Variants in ZBTB7C observed in about 807,000 individuals in gnomAD.
The protein encoded by ZBTB7C is zinc finger and BTB domain-containing protein 7C.
Under a neutral mutation model 25.7 loss-of-function variants are expected in ZBTB7C, and 8 were observed. That is an observed-to-expected ratio of 0.31 (90% CI 0.18 to 0.56). The LOEUF (loss-of-function observed/expected upper bound fraction) is 0.56. ZBTB7C is among the 20% of genes least tolerant of loss of function. ZBTB7C has a pLI of 0.91. For synonymous variants in ZBTB7C, 394 were observed against 369.0 expected (o/e 1.07, Z -0.78); for missense variants, 824 against 855.2 (o/e 0.96, Z 0.46).
chr18:48,135,512 G>A (rs751944323), intron 3 of ZBTB7C, among the ~76,000 whole-genome samples: 2 of 152,124 alleles, frequency 1.3e-5, no homozygotes, highest in African/African-American at 2.4e-5. Context: ...TATCTGATGT[G>A]GCCTAATATG....
intron 3 of ZBTB7C, among the ~76,000 whole-genome samples, chr18:48,104,286 T>C (rs183719287): frequency 2.2e-4 from 34 of 152,264 alleles, no homozygotes; most frequent in Admixed American, 5.9e-4. Context: ...AAAAAGAGCC[T>C]GGTACCTTCC....
intron 1 of ZBTB7C, chr18:48,408,288 C>G (rs2048328246): frequency 6.6e-6 from 1 of 152,420 alleles, no homozygotes; most frequent in Non-Finnish European, 1.5e-5. Flanking sequence ...ACCAGACAAG[C>G]AACCGGAAAA....
chr18:48,203,569 G>A (rs958217801), intron 2 of ZBTB7C: 2 of 152,196 alleles, frequency 1.3e-5, no homozygotes, highest in Non-Finnish European at 2.9e-5. Flanking sequence ...GCGGCCCCAT[G>A]GAGCTGCCTT....
intron 1 of ZBTB7C, among the ~76,000 whole-genome samples, chr18:48,373,541 C>T (rs920919795): frequency 1.6e-4 from 25 of 152,146 alleles, no homozygotes; most frequent in African/African-American, 5.8e-4. Context: ...ATTGTAATCC[C>T]CATGCTGGAG....
chr18:48,188,982 T>C (rs912127263), intron 2 of ZBTB7C, among the ~76,000 whole-genome samples: 45 of 152,224 alleles, frequency 3.0e-4, no homozygotes, highest in African/African-American at 1.1e-3. Context: ...CATGTTCTTG[T>C]CTGAAAATCT....
chr18:48,307,326 A>T (rs1046719261), intron 2 of ZBTB7C, among the ~76,000 whole-genome samples: 2 of 152,120 alleles, frequency 1.3e-5, no homozygotes, highest in Admixed American at 6.5e-5. Context: ...TACTTCTCAC[A>T]CTGTCACCAT....
intron 1 of ZBTB7C, among the ~76,000 whole-genome samples, chr18:48,362,851 A>G (rs532853852): frequency 1.3e-5 from 2 of 152,300 alleles, no homozygotes; most frequent in East Asian, 1.9e-4. Context: ...AGGGGCTTCA[A>G]CGACCCACAA....
intron 1 of ZBTB7C, among the ~76,000 whole-genome samples, chr18:48,377,677 A>C (rs1361757247): frequency 6.6e-6 from 1 of 152,222 alleles, no homozygotes; most frequent in Non-Finnish European, 1.5e-5. Context: ...GAGAAGAAAC[A>C]AAGTAATAAC....
intron 2 of ZBTB7C, among the ~76,000 whole-genome samples, chr18:48,221,756 T>C (rs1380102662): frequency 6.6e-6 from 1 of 151,134 alleles, no homozygotes; most frequent in South Asian, 2.1e-4. Context: ...ATACTGTCCT[T>C]GTCTCCTCTA....
intron 2 of ZBTB7C, among the ~76,000 whole-genome samples, chr18:48,288,613 A>T (rs2144674373): frequency 6.6e-6 from 1 of 152,284 alleles, no homozygotes; most frequent in Non-Finnish European, 1.5e-5. Context: ...CCGAGATCAC[A>T]CCATTACACT....
intron 3 of ZBTB7C, among the ~76,000 whole-genome samples, chr18:48,050,134 G>A (rs2036625342): frequency 2.0e-5 from 3 of 152,182 alleles, no homozygotes; most frequent in Admixed American, 2.0e-4. Context: ...GTCTTTACTC[G>A]TGGTCTGTAG....
intron 1 of ZBTB7C, among the ~76,000 whole-genome samples, chr18:48,351,932 G>C (rs1021003990): frequency 6.6e-6 from 1 of 152,228 alleles, no homozygotes; most frequent in South Asian, 2.1e-4. Flanking sequence ...GTCCCAGCAG[G>C]TGAACCTGAG....
chr18:48,329,190 T>C (rs572600467), intron 2 of ZBTB7C, among the ~76,000 whole-genome samples: 16 of 152,212 alleles, frequency 1.1e-4, no homozygotes, highest in Non-Finnish European at 2.2e-4. Flanking sequence ...AGGGCACACA[T>C]TGATCAATTA....
chr18:48,411,844 A>G (rs899374390), upstream of ZBTB7C, among the ~76,000 whole-genome samples: 1 of 152,246 alleles, frequency 6.6e-6, no homozygotes, highest in Non-Finnish European at 1.5e-5. Context: ...GGCTCAAAGT[A>G]GATGTTCTAT....
Position 48,040,182 on chromosome 18 carries a change from A to C in ZBTB7C, c.926T>G (p.Phe309Cys), listed in dbSNP as rs1190235096. The change falls in exon 4 of 5, where the codon TTC (phenylalanine) becomes TGC (cysteine). Residue 309 changes from phenylalanine to cysteine, a missense_variant. By Grantham distance (205) the Phe-to-Cys change is radical. Around this residue, in one of 4 missense-constraint regions of ZBTB7C, gnomAD observed 316 missense variants for 299.2 expected, o/e 1.06. Coordinates refer to ENST00000590800, the MANE Select transcript of ZBTB7C (RefSeq NM_001318841.2). ...CAGGTCAGGGAACATGTCCTTGAAG[A>C]AGTCATTAGGGAAGGGTGGCGGTGG... ...PPPPPPFPND[F>C]FKDMFPDLPG... 4.4e-6 allele frequency: 7 copies of C among 1,575,096 alleles called. No homozygotes were observed.
chr18:48,353,340 G>A (rs185828681), intron 1 of ZBTB7C, among the ~76,000 whole-genome samples: 1 of 152,274 alleles, frequency 6.6e-6, no homozygotes, highest in East Asian at 1.9e-4. Flanking sequence ...AAAATCACAA[G>A]CTCTGGCTGT....
At chr18:48,141,148 C>CG (rs2040335198) in intron 3 of ZBTB7C, among the ~76,000 whole-genome samples, 1 of 146,824 alleles carries the variant, frequency 6.8e-6, no homozygotes, top group Non-Finnish European at 1.5e-5. Context: ...CCCGCACCAC[C>CG]CCCCCCACTG....
intron 1 of ZBTB7C, among the ~76,000 whole-genome samples, chr18:48,356,605 G>A (rs1225002145): frequency 6.6e-6 from 1 of 152,176 alleles, no homozygotes; most frequent in Non-Finnish European, 1.5e-5. Context: ...TCCTAGGGCA[G>A]AAGTGAGTAA....
chr18:48,303,051 G>A (rs112541282), intron 2 of ZBTB7C, among the ~76,000 whole-genome samples: 1,611 of 152,262 alleles, frequency 0.011, 30 homozygotes, highest in African/African-American at 0.037. Flanking sequence ...CCCCTCCCTC[G>A]CTTCCCTATT....
Sources: allele counts gnomAD v4.1 joint callset (sites outside exome capture counted in the v4.1 genomes callset), GRCh38; gene constraint gnomAD v4.1.1; regional missense constraint gnomAD v4.1.1; transcripts MANE v1.5; gene names NCBI Gene and HGNC (gene_info 2026-07-23, HGNC 2026-07-21).